The following FGD5 variants were observed in gnomAD, a reference collection of about 807,000 sequenced individuals.
FGD5 encodes the protein FYVE, RhoGEF and PH domain containing 5.
Under a neutral mutation model 133.4 loss-of-function variants are expected in FGD5, and 28 were observed. The ratio of observed to expected loss-of-function variants is 0.21; its 90% CI spans 0.16 to 0.29. The LOEUF is 0.29. Among genes scored for constraint, FGD5 ranks in the 10% least tolerant of loss-of-function variants. The pLI is 1.00. For synonymous variants in FGD5, 810 were observed against 776.5 expected (o/e 1.04, Z -0.72); for missense variants, 1,858 against 1,895.2 (o/e 0.98, Z 0.36).
chr3:14,816,638 C>CT (rs1330895611), upstream of FGD5, among the ~76,000 whole-genome samples: 1 of 152,224 alleles, frequency 6.6e-6, no homozygotes, highest in African/African-American at 2.4e-5. Flanking sequence ...TTACCCTACT[C>CT]TAACAGGTAG....
chr3:14,917,302 G>A lies in FGD5; in HGVS notation c.3459G>A (p.Leu1153=). The A allele has an allele frequency of 6.2e-7, 1 of 1,613,690 alleles. No homozygotes were observed. Among genetic ancestry groups the A allele is most frequent in the South Asian group, 1.1e-5 (1 of 90,942 alleles). The part of the protein sequence containing the change: ...TYPQKDGKYR[L]KNTLAVANMK... The stretch of plus-strand genomic sequence containing the variant: ...CCCAGAAGGATGGGAAGTACCGGCT[G>A]AAGAACACATTGGCTGTGGCCAACA... Residue 1153 remains leucine (L), a synonymous_variant, in exon 12 of 20, where the codon CTG becomes CTA. Coordinates refer to ENST00000285046, the MANE Select transcript of FGD5 (RefSeq NM_152536.4). The surrounding 1 kb of genome is among the most constrained non-coding windows in gnomAD (Gnocchi z 4.1).
At chr3:14,914,261 G>A (rs1031688188) in intron 11 of FGD5, among the ~76,000 whole-genome samples, 4 of 152,202 alleles carry the variant, frequency 2.6e-5, no homozygotes, top group Admixed American at 2.0e-4. Context: ...ACAGAGTTGG[G>A]GCATCTGGGC....
chr3:14,927,882 A>G (rs895549883), intron 18 of FGD5, among the ~76,000 whole-genome samples: 2 of 151,400 alleles, frequency 1.3e-5, no homozygotes, highest in African/African-American at 4.9e-5. Context: ...CCCCCAGCTC[A>G]GCCTCCCAAG....
intron 1 of FGD5, among the ~76,000 whole-genome samples, chr3:14,822,359 C>T (rs945528579): frequency 2.6e-5 from 4 of 151,982 alleles, no homozygotes; most frequent in Non-Finnish European, 4.4e-5. Context: ...GAGATTGGCA[C>T]CTTTTTATTG....
At chr3:14,920,747 A>G (rs554456847) in intron 13 of FGD5, among the ~76,000 whole-genome samples, 8 of 152,300 alleles carry the variant, frequency 5.3e-5, no homozygotes, top group Non-Finnish European at 8.8e-5. Context: ...GGCTCCTTCC[A>G]TGCATAGGGA....
At position 14,852,402 on chromosome 3, in the gene FGD5, G is replaced by A. The variant is rs576599138; in HGVS notation, c.2526-11726G>A. On this transcript the variant is annotated intron_variant, in intron 1 of 19. Coordinates refer to ENST00000285046, the MANE Select transcript of FGD5 (RefSeq NM_152536.4). ...AGAATAGGCAAATCCGTAGAGACGGGAAGTAGACTAGCGGTTGCCAGGGGC... is the reference window on the plus strand; with the variant it reads ...AGAATAGGCAAATCCGTAGAGACGGAAAGTAGACTAGCGGTTGCCAGGGGC... Among the ~76,000 whole-genome samples, 3 of 152,380 alleles carry A rather than the reference G, an allele frequency of 2.0e-5. No homozygotes were observed. The South Asian group carries it at 6.2e-4, about 32-fold the overall frequency.
At chr3:14,865,362 A>G (rs11707251) in intron 2 of FGD5, among the ~76,000 whole-genome samples, 14,188 of 152,214 alleles carry the variant, frequency 0.093, 829 homozygotes, top group East Asian at 0.3. Flanking sequence ...AAATGGGGAT[A>G]TCTCATTTTC....
At chr3:14,880,700 G>A (rs372240053) in intron 3 of FGD5, 42 bp from the exon 4 acceptor site, 21 of 1,613,866 alleles carry the variant, frequency 1.3e-5, no homozygotes, top group Non-Finnish European at 2.5e-6. Context: ...GGCTTACACA[G>A]GATGGGGATT....
chr3:14,915,305 T>C (rs2038531047), intron 11 of FGD5, among the ~76,000 whole-genome samples: 1 of 152,038 alleles, frequency 6.6e-6, no homozygotes, highest in Non-Finnish European at 1.5e-5. Context: ...CTCATTCTGT[T>C]CCCTCAGCAG....
chr3:14,816,660 C>A (rs188073336), upstream of FGD5, among the ~76,000 whole-genome samples: 1 of 152,190 alleles, frequency 6.6e-6, no homozygotes, highest in Admixed American at 6.5e-5. Flanking sequence ...TGAAGCATAT[C>A]TTTTTAAGCT....
chr3:14,895,174 T>A (rs1247726927), intron 4 of FGD5, among the ~76,000 whole-genome samples: 1 of 152,220 alleles, frequency 6.6e-6, no homozygotes, highest in Non-Finnish European at 1.5e-5. Context: ...CTTTGTTGAT[T>A]GTTTCCTTTG....
chr3:14,912,572 G>T (rs528191592), intron 11 of FGD5, among the ~76,000 whole-genome samples: 1 of 152,292 alleles, frequency 6.6e-6, no homozygotes, highest in Admixed American at 6.5e-5. Context: ...CACCTCCAGT[G>T]TTGGGGAGCT....
At chr3:14,901,681 TCA>T (rs1306409529) in intron 9 of FGD5, among the ~76,000 whole-genome samples, 2 of 152,148 alleles carry the variant, frequency 1.3e-5, no homozygotes, top group Non-Finnish European at 2.9e-5. Flanking sequence ...GACCAGGTAG[TCA>T]CATCTTCTGC....
intron 1 of FGD5, among the ~76,000 whole-genome samples, chr3:14,862,778 C>T (rs2037423256): frequency 6.6e-6 from 1 of 152,134 alleles, no homozygotes; most frequent in South Asian, 2.1e-4. Flanking sequence ...CCACAGTCCC[C>T]ACCTCCAACC....
intron 2 of FGD5, among the ~76,000 whole-genome samples, chr3:14,867,261 A>C (rs2037514262): frequency 6.6e-6 from 1 of 152,246 alleles, no homozygotes; most frequent in Non-Finnish European, 1.5e-5. Flanking sequence ...AACCTGAAGT[A>C]ACTTAGTTGG....
intron 1 of FGD5, among the ~76,000 whole-genome samples, chr3:14,849,906 A>G (rs2037125187): frequency 6.6e-6 from 1 of 151,230 alleles, no homozygotes; most frequent in Admixed American, 6.6e-5. Flanking sequence ...TGTTGTTAGT[A>G]TTGGCTGGCT....
chr3:14,897,828 G>A, intron 5 of FGD5, 111 bp from the exon 6 acceptor site: 2 of 1,489,652 alleles, frequency 1.3e-6, no homozygotes, highest in African/African-American at 1.4e-5. Context: ...AACTGTGCAA[G>A]GGTTGAGCTG....
chr3:14,863,698 G>A (rs1023532161), intron 1 of FGD5, among the ~76,000 whole-genome samples: 1 of 152,214 alleles, frequency 6.6e-6, no homozygotes, highest in Non-Finnish European at 1.5e-5. Context: ...GGGACTAGGG[G>A]CTGGAACACA....
rs111447146 is a variant in FGD5, at chr3:14,924,034, C to T, written c.3964C>T (p.Leu1322=). Reference sequence around the variant, plus strand: ...GCGGCCTGTGAGCATGAGCTTCCCGCTGTCTTCACCCCGCTTCTCGGGCAG... The same window carrying T: ...GCGGCCTGTGAGCATGAGCTTCCCGTTGTCTTCACCCCGCTTCTCGGGCAG... ...RERPVSMSFP[L]SSPRFSGSAF... is the part of the protein sequence containing the mutation. The change falls in exon 17 of 20, where the codon CTG becomes TTG. Residue 1322 remains leucine, a synonymous_variant. Transcript: ENST00000285046. 30 of 1,614,034 alleles carry T rather than the reference C, an allele frequency of 1.9e-5. 1 individual carries two copies. In the African/African-American group the frequency reaches 2.5e-4, roughly 14 times the overall value.
Sources: allele counts gnomAD v4.1 joint callset (sites outside exome capture counted in the v4.1 genomes callset), GRCh38; gene constraint gnomAD v4.1.1; non-coding constraint Gnocchi (gnomAD v3.1); transcripts MANE v1.5; gene names NCBI Gene and HGNC (gene_info 2026-07-23, HGNC 2026-07-21).